HSPG2: variants seen among roughly 807,000 people sequenced by gnomAD.
The protein encoded by HSPG2 is heparan sulfate proteoglycan 2, also known as basement membrane-specific heparan sulfate proteoglycan core protein.
A neutral mutation model predicts 526.6 loss-of-function variants in HSPG2; 278 were observed. That is an observed-to-expected ratio of 0.53 (90% CI 0.48 to 0.58). The LOEUF (loss-of-function observed/expected upper bound fraction) is 0.58. Ranked by LOEUF, HSPG2 falls within the 20% of genes least tolerant of loss-of-function variation. The pLI, the probability that HSPG2 is intolerant of heterozygous loss-of-function variation, is 0.00. For missense variants in HSPG2, 5,354 were observed against 6,099.5 expected, an observed-to-expected ratio of 0.88 and a Z score of 4.07; for synonymous variants, 2,465 against 2,555.4, an observed-to-expected ratio of 0.96 and a Z score of 1.07.
rs1284998914 is a variant in HSPG2 at position 21,895,558 on chromosome 1, C to T, written c.244+364G>A. Among the ~76,000 whole-genome samples, 1 of 152,206 alleles carries T rather than the reference C, an allele frequency of 6.6e-6. No individual in the cohort carries two copies. ...TTGTCTTTGCCTGGGATCCCCAGCT[C>T]TGTGCCCCCAGGAGGGCTCTGGGGA... On this transcript the variant is annotated intron_variant, in intron 3 of 96. Transcript: ENST00000374695. This position sits in a 1 kb window ranked among gnomAD's most constrained non-coding sequence, Gnocchi z 4.1.
intron 11 of HSPG2, 46 bp downstream of exon 11, chr1:21,884,967 C>T (rs1468530226): frequency 1.2e-6 from 2 of 1,613,820 alleles, no homozygotes; most frequent in South Asian, 1.1e-5. Context: ...GGCTCTGGAC[C>T]AGCTGCCCCT....
chr1:21,830,524 C>G (rs970148564), intron 85 of HSPG2: 4 of 270,740 alleles, frequency 1.5e-5, no homozygotes, highest in South Asian at 1.3e-4. Context: ...CCCGCCTCTA[C>G]TAAAAATGCA....
In HSPG2 at chr1:21,937,248, C is replaced by G; in HGVS notation, c.-31G>C. The G allele has an allele frequency of 2.3e-6, 2 of 886,366 alleles. No individual in the cohort carries two copies. Among genetic ancestry groups the G allele is most frequent in the Non-Finnish European group, 2.7e-6 (2 of 741,000 alleles). 54.9% of individuals were successfully genotyped at this position (886,366 alleles called of 1,614,324 possible). On this transcript the variant is annotated 5_prime_UTR_variant, in exon 1 of 97. Coordinates refer to ENST00000374695, the MANE Select transcript of HSPG2 (RefSeq NM_005529.7). ...GGCCCGCGCCGCTCTCTCGCTCGCT[C>G]GCTCCGCGCCGCCCGCTCCGCGCCG...
rs369444110 is a variant in HSPG2, at chr1:21,854,330, C to A, written c.6302G>T (p.Arg2101Leu). 1.3e-6 allele frequency: 2 copies of A among 1,570,010 alleles called. No homozygotes were observed. Among genetic ancestry groups the A allele is most frequent in the South Asian group, 2.3e-5 (2 of 85,460 alleles). Residue 2101 changes from arginine to leucine, a missense_variant, in exon 50 of 97, where the codon CGT (arginine) becomes CTT (leucine). Transcript: ENST00000374695. ...LPPHTQVHGS[R>L]LRLPQVSPAD... Reference sequence around the variant, plus strand: ...TGGTGAGACCTGGGGGAGCCGCAGACGGGAGCCGTGCACCTGGGCCAGGAG... The same window carrying A: ...TGGTGAGACCTGGGGGAGCCGCAGAAGGGAGCCGTGCACCTGGGCCAGGAG...
Position 21,865,357 on chromosome 1 carries a change from G to A in HSPG2, c.4323C>T (p.Asn1441=). 1 of 1,614,074 alleles carries A rather than the reference G, an allele frequency of 6.2e-7. No individual in the cohort carries two copies. The change falls in exon 35 of 97, where the codon AAC becomes AAT. Residue 1441 remains asparagine (N), a synonymous_variant. Transcript: ENST00000374695. The surrounding 1 kb of genome is among the most constrained non-coding windows in gnomAD (Gnocchi z 5.4). The part of the protein sequence containing the change: ...SDPDVQITGN[N]IMLVASQPAL... ...CTGGCTGGGAGGCCACTAGCATGAT[G>A]TTGTTGCCCTGGAAAGACACCAGCA...
rs1256539204 is a variant in HSPG2, at chr1:21,865,101, G to C, written c.4396-28C>G. 1 of 1,553,116 alleles carries C rather than the reference G, an allele frequency of 6.4e-7. No homozygotes were observed. The highest frequency in any genetic ancestry group is 8.7e-7 in the Non-Finnish European group (1 of 1,147,292). ...GGGTTGGGGGTGGCAACGTGGGCGGGGGCAGTGGGCTTTGTGGGCTGCTCC... is the reference window on the plus strand; with the variant it reads ...GGGTTGGGGGTGGCAACGTGGGCGGCGGCAGTGGGCTTTGTGGGCTGCTCC... On this transcript the variant is annotated intron_variant, in intron 35 of 96. Coordinates refer to ENST00000374695, the MANE Select transcript of HSPG2 (RefSeq NM_005529.7). This position sits in a 1 kb window ranked among gnomAD's most constrained non-coding sequence, Gnocchi z 5.4.
Position 21,828,998 on chromosome 1 carries a change from C to T in HSPG2, c.12074G>A (p.Gly4025Asp). ...RVSAERLNKD[G>D]SLRVNGGRPV... is the part of the protein sequence containing the mutation. ...GCGTCCACCATTCACCCGCAGGCTG[C>T]CGTCCTTGTTGAGACGCTCTGCAGA... The change falls in exon 88 of 97, where the codon GGC becomes GAC. Residue 4025 changes from glycine (G) to aspartate (D), a missense_variant. Physicochemically the swap from Gly to Asp is moderately conservative, Grantham distance 94 (BLOSUM62 -1). Coordinates refer to ENST00000374695, the MANE Select transcript of HSPG2 (RefSeq NM_005529.7). The surrounding 1 kb of genome is among the most constrained non-coding windows in gnomAD (Gnocchi z 6.0). 1 of 1,568,792 alleles carries T rather than the reference C, an allele frequency of 6.4e-7. No individual in the cohort carries two copies. Among genetic ancestry groups the T allele is most frequent in the Non-Finnish European group, 8.6e-7 (1 of 1,157,510 alleles).
rs1395051390 is a variant in HSPG2 at position 21,888,006 on chromosome 1, C to G, written c.635G>C (p.Cys212Ser). The change falls in exon 7 of 97, where the codon TGT becomes TCT. Residue 212 changes from cysteine (C) to serine (S), a missense_variant. Cys to Ser is a moderately radical substitution (Grantham distance 112). Transcript: ENST00000374695. The stretch of plus-strand genomic sequence containing the variant: ...GTCACAGCGATACTCCAGGGCCACA[C>G]ACTCATTGTAGCTGTGGCAGGCAAA... ...AEFACHSYNE[C>S]VALEYRCDRR... is the part of the protein sequence containing the mutation. 1 of 1,614,154 alleles carries G rather than the reference C, an allele frequency of 6.2e-7. No individual in the cohort carries two copies. The highest frequency in any genetic ancestry group is 8.5e-7 in the Non-Finnish European group (1 of 1,180,024).
intron 33 of HSPG2, among the ~76,000 whole-genome samples, chr1:21,868,532 G>C (rs1015850168): frequency 1.1e-4 from 16 of 152,234 alleles, no homozygotes; most frequent in Admixed American, 5.2e-4. Flanking sequence ...GCAGCACACA[G>C]TAAATAATTA....
At chr1:21,834,168 G>T (rs142299141) in intron 77 of HSPG2, among the ~76,000 whole-genome samples, 142 of 152,316 alleles carry the variant, frequency 9.3e-4, no homozygotes, top group African/African-American at 3.3e-3. Flanking sequence ...ACATGCCTGG[G>T]CAAAAAATTG....
intron 1 of HSPG2, among the ~76,000 whole-genome samples, chr1:21,915,398 C>T (rs1643866656): frequency 6.6e-6 from 1 of 152,226 alleles, no homozygotes; most frequent in Non-Finnish European, 1.5e-5. Context: ...TGCAGACAGG[C>T]TGCAGGGAGC....
chr1:21,846,308 T>C, intron 63 of HSPG2, 53 bp from the exon 64 acceptor site: 1 of 1,612,032 alleles, frequency 6.2e-7, no homozygotes. Context: ...CTGGAACTGT[T>C]GAAGGCCTGG....
At position 21,865,857 on chromosome 1, in the gene HSPG2, G is replaced by T; in HGVS notation, c.4222-48C>A. 2 of 1,435,542 alleles carry T rather than the reference G, an allele frequency of 1.4e-6. No homozygotes were observed. The highest frequency in any genetic ancestry group is 2.0e-6 in the Non-Finnish European group (2 of 1,019,128). The allele number at this position is 1,435,542 out of a possible 1,614,324, so 88.9% of individuals were successfully genotyped here. A position where few individuals can be genotyped will look rare whatever the true frequency, so the allele number is the denominator to read the frequency against. ...GTCACAGGCTGACCTTGGGGTGTGA[G>T]TGTTGGACCATATAGGTGAGGGATG... On this transcript the variant is annotated intron_variant, in intron 33 of 96. Coordinates refer to ENST00000374695, the MANE Select transcript of HSPG2 (RefSeq NM_005529.7). This position sits in a 1 kb window ranked among gnomAD's most constrained non-coding sequence, Gnocchi z 5.4.
intron 6 of HSPG2, chr1:21,888,759 G>A (rs1411303952): frequency 1.5e-6 from 2 of 1,338,084 alleles, no homozygotes; most frequent in Non-Finnish European, 1.0e-6. Context: ...CCACCTGGGA[G>A]CCGGGAGCTG....
chr1:21,841,981 C>T (rs2098050454), intron 69 of HSPG2, 21 bp downstream of exon 69: 4 of 1,612,398 alleles, frequency 2.5e-6, no homozygotes, highest in Non-Finnish European at 3.4e-6. Context: ...GCTTGCCCAC[C>T]TGCCCACCAG....
In HSPG2 at chr1:21,855,385, G is replaced by C. The variant is rs147669915; in HGVS notation, c.5916C>G (p.Thr1972=). The C allele has an allele frequency of 7.9e-5, 128 of 1,612,734 alleles. No individual in the cohort carries two copies. The highest frequency in any genetic ancestry group is 1.0e-4 in the Non-Finnish European group (123 of 1,179,768). ...CTGCAGCCCTGCAGTACAGCCTGAC[G>C]GTGCGGCCTGCGTGGACCTGGGTCC... ...PERTQVHAGR[T]VRLYCRAAGV... Residue 1972 remains threonine, a synonymous_variant, in exon 47 of 97, where the codon ACC becomes ACG. Transcript: ENST00000374695.
At position 21,875,654 on chromosome 1, in the gene HSPG2, A is replaced by C. The variant is rs1419436391; in HGVS notation, c.3277T>G (p.Tyr1093Asp). Residue 1093 changes from tyrosine to aspartate, a missense_variant, in exon 25 of 97, where the codon TAC (tyrosine) becomes GAC (aspartate). Physicochemically the swap from Tyr to Asp is radical, Grantham distance 160. Coordinates refer to ENST00000374695, the MANE Select transcript of HSPG2 (RefSeq NM_005529.7). ...CTGCTCTCAGCGGGCTGCTGGGCGTAGGATGCTCGGATCAGGAGGGTGTCG... is the reference window on the plus strand; with the variant it reads ...CTGCTCTCAGCGGGCTGCTGGGCGTCGGATGCTCGGATCAGGAGGGTGTCG... ...GIDTLLIRAS[Y>D]AQQPAESRVS... is the part of the protein sequence containing the mutation. 4 of 1,602,426 alleles carry C rather than the reference A, an allele frequency of 2.5e-6. No homozygotes were observed. Among genetic ancestry groups the C allele is most frequent in the Non-Finnish European group, 3.4e-6 (4 of 1,179,946 alleles).
chr1:21,855,437 C>T lies in HSPG2; in HGVS notation c.5864G>A (p.Gly1955Glu), dbSNP rs1572241189. 1.2e-6 allele frequency: 2 copies of T among 1,613,150 alleles called. No homozygotes were observed. The highest frequency in any genetic ancestry group is 1.7e-6 in the Non-Finnish European group (2 of 1,179,872). ...CTCTGGGCTCACTTGGACTCTGGGC[C>T]CACCGCCCCCTGCAGACAGAGTCCT... ...RAVLHVHGGG[G>E]PRVQVSPERT... is the part of the protein sequence containing the mutation. Residue 1955 changes from glycine to glutamate, a missense_variant, in exon 47 of 97, where the codon GGG becomes GAG. Transcript: ENST00000374695.
chr1:21,880,929 C>T, intron 14 of HSPG2, 94 bp from the exon 15 acceptor site: 3 of 1,251,226 alleles, frequency 2.4e-6, no homozygotes, highest in Non-Finnish European at 3.4e-6. Flanking sequence ...TCCTCCCTCA[C>T]TCTGCCTACC....
Sources: allele counts gnomAD v4.1 joint callset (sites outside exome capture counted in the v4.1 genomes callset), GRCh38; gene constraint gnomAD v4.1.1; non-coding constraint Gnocchi (gnomAD v3.1); transcripts MANE v1.5; gene names NCBI Gene and HGNC (gene_info 2026-07-23, HGNC 2026-07-21).